Variants in EPHA4 observed in about 807,000 individuals in gnomAD.
EPHA4 encodes the protein EPH receptor A4.
Under a neutral mutation model 108.3 loss-of-function variants are expected in EPHA4, and 19 were observed. That is an observed-to-expected ratio of 0.18 (90% confidence interval 0.12 to 0.26). The LOEUF (loss-of-function observed/expected upper bound fraction) is 0.26. Ranked by LOEUF, EPHA4 falls within the 10% of genes least tolerant of loss-of-function variation. EPHA4 has a pLI of 1.00. For missense variants in EPHA4, 917 were observed against 1,254.0 expected, an observed-to-expected ratio of 0.73 and a Z score of 4.06; for synonymous variants, 449 against 455.5, an observed-to-expected ratio of 0.99 and a Z score of 0.18.
intron 5 of EPHA4, among the ~76,000 whole-genome samples, chr2:221,474,422 T>TA (rs35346087): frequency 0.69 from 99,496 of 143,924 alleles, 34,816 homozygotes; most frequent in East Asian, 0.86. Flanking sequence ...GACTGTTTCT[T>TA]AAAAAAAAAA....
At position 221,558,754 on chromosome 2, in the gene EPHA4, GA is replaced by G. The variant is rs796493087; in HGVS notation, c.823+4976del. On this transcript the variant is annotated intron_variant, in intron 3 of 17. Transcript: ENST00000281821. Reference sequence around the variant, plus strand: ...AAAGGCAGCCTGGTCACACAAAGAGGAAAAAAAAAAGTATATCAGAAAAAGG... The same window carrying G: ...AAAGGCAGCCTGGTCACACAAAGAGGAAAAAAAAAGTATATCAGAAAAAGG... Among the ~76,000 whole-genome samples, 270 of 146,790 alleles carry G rather than the reference GA, an allele frequency of 1.8e-3. 4 individuals carry two copies. Among genetic ancestry groups the G allele is most frequent in the African/African-American group, 5.9e-3 (235 of 40,076 alleles).
chr2:221,560,651 T>C (rs1318833627), intron 3 of EPHA4, among the ~76,000 whole-genome samples: 1 of 152,188 alleles, frequency 6.6e-6, no homozygotes, highest in African/African-American at 2.4e-5. Flanking sequence ...ATCAAGTTGT[T>C]GCATGATCTC....
chr2:221,476,927 CAA>C (rs1003595630), intron 5 of EPHA4, among the ~76,000 whole-genome samples: 7 of 151,970 alleles, frequency 4.6e-5, no homozygotes, highest in African/African-American at 1.2e-4. Context: ...CATTACTTGA[CAA>C]AGAGAGTTAA....
intron 3 of EPHA4, among the ~76,000 whole-genome samples, chr2:221,521,347 T>C (rs1175693768): frequency 2.0e-5 from 3 of 152,206 alleles, no homozygotes; most frequent in African/African-American, 4.8e-5. Flanking sequence ...AAAAGTAGAA[T>C]TGAAACTGGA....
intron 3 of EPHA4, among the ~76,000 whole-genome samples, chr2:221,529,269 G>T (rs1357728629): frequency 6.6e-6 from 1 of 152,182 alleles, no homozygotes; most frequent in African/African-American, 2.4e-5. Flanking sequence ...AAGGGACTTT[G>T]CTGCAGGGGG....
At chr2:221,493,221 C>T (rs1264068635) in intron 4 of EPHA4, among the ~76,000 whole-genome samples, 2 of 152,028 alleles carry the variant, frequency 1.3e-5, no homozygotes, top group Admixed American at 6.6e-5. Context: ...AAGAAATATG[C>T]TTTCGGGTAG....
rs559659675 is a variant in EPHA4, at chr2:221,529,291, C to T, written c.824-28119G>A. On this transcript the variant is annotated intron_variant, in intron 3 of 17. Transcript: ENST00000281821. ...TTTGCTGCAGGGGGCTGATTTTGCC[C>T]CACCTTGAGGAAGGCTGGAGAGGCT... Among the ~76,000 whole-genome samples, 23 of 152,272 alleles carry T rather than the reference C, an allele frequency of 1.5e-4. 1 individual carries two copies. In the South Asian group the frequency reaches 4.6e-3, roughly 30 times the overall value.
chr2:221,545,731 TG>T (rs1693977868), intron 3 of EPHA4, among the ~76,000 whole-genome samples: 1 of 152,060 alleles, frequency 6.6e-6, no homozygotes, highest in African/African-American at 2.4e-5. Context: ...TAAACCCCAA[TG>T]GCCACTGTAT....
rs767090657 is a variant in EPHA4 at position 221,446,187 on chromosome 2, A to G, written c.1716-6T>C. ...CTTTACTGTATTTACTCCGTCTATT[A>G]AAATTTTTTTAAAAAAGAGAATTAT... On this transcript the variant is annotated splice_region_variant and splice_polypyrimidine_tract_variant and intron_variant, in intron 8 of 17. Coordinates refer to ENST00000281821, the MANE Select transcript of EPHA4 (RefSeq NM_004438.5). 52 of 1,497,824 alleles carry G rather than the reference A, an allele frequency of 3.5e-5. No individual in the cohort carries two copies. The highest frequency in any genetic ancestry group is 4.4e-6 in the Non-Finnish European group (5 of 1,123,606). The allele number at this position is 1,497,824 out of a possible 1,614,324, so 92.8% of individuals were successfully genotyped here.
In EPHA4 at chr2:221,420,331, AGT is replaced by A. The variant is rs1157729282; in HGVS notation, c.*1039_*1040del. The A allele has an allele frequency of 6.5e-6, 1 of 152,704 alleles. No homozygotes were observed. Among genetic ancestry groups the A allele is most frequent in the African/African-American group, 2.4e-5 (1 of 41,464 alleles). 9.5% of individuals were successfully genotyped at this position (152,704 alleles called of 1,614,324 possible). ...ACTGGAGAACAGATGCTGAATCTTA[AGT>A]GTTTGCTGTTTCTTTCACTGCGAAA... is the stretch of plus-strand genomic sequence containing the variant. On this transcript the variant is annotated 3_prime_UTR_variant, in exon 18 of 18. Coordinates refer to ENST00000281821, the MANE Select transcript of EPHA4 (RefSeq NM_004438.5).
intron 3 of EPHA4, among the ~76,000 whole-genome samples, chr2:221,508,686 C>T (rs1272541529): frequency 1.3e-5 from 2 of 151,920 alleles, no homozygotes; most frequent in East Asian, 1.9e-4. Flanking sequence ...CCCTGTATTG[C>T]CCCCCAAATT....
At chr2:221,515,630 C>A (rs947711636) in intron 3 of EPHA4, among the ~76,000 whole-genome samples, 1 of 152,082 alleles carries the variant, frequency 6.6e-6, no homozygotes, top group Admixed American at 6.5e-5. Flanking sequence ...GCCTGGGCAA[C>A]ATAGTGAGAC....
At chr2:221,534,459 GT>G (rs372781698) in intron 3 of EPHA4, among the ~76,000 whole-genome samples, 37 of 152,300 alleles carry the variant, frequency 2.4e-4, no homozygotes, top group African/African-American at 8.2e-4. Flanking sequence ...CCTAGAAAAG[GT>G]CTCACCCCCT....
chr2:221,436,360 C>G, intron 13 of EPHA4, 39 bp downstream of exon 13: 1 of 1,593,590 alleles, frequency 6.3e-7, no homozygotes, highest in Non-Finnish European at 8.6e-7. Flanking sequence ...GGAACAGTTT[C>G]ACCAGAGTGA....
At chr2:221,494,895 T>A (rs570622825) in intron 4 of EPHA4, among the ~76,000 whole-genome samples, 30 of 146,146 alleles carry the variant, frequency 2.1e-4, no homozygotes, top group African/African-American at 7.3e-4. Flanking sequence ...AAAAATCACA[T>A]CAAAATCCCT....
At chr2:221,450,464 TC>T (rs1489092156) in intron 8 of EPHA4, among the ~76,000 whole-genome samples, 1 of 152,224 alleles carries the variant, frequency 6.6e-6, no homozygotes, top group East Asian at 1.9e-4. Context: ...AAGCTTTGGT[TC>T]CATAGAACTG....
At chr2:221,456,483 C>T (rs1167733385) in intron 7 of EPHA4, 130 bp downstream of exon 7, 5 of 833,350 alleles carry the variant, frequency 6.0e-6, no homozygotes, top group Non-Finnish European at 9.1e-6. Flanking sequence ...TATTTCAAGA[C>T]ATATTCATTG....
chr2:221,429,907 C>T (rs563009251), intron 15 of EPHA4, 51 bp downstream of exon 15: 2 of 1,592,562 alleles, frequency 1.3e-6, no homozygotes, highest in South Asian at 2.3e-5. Context: ...CACTTGCCTG[C>T]CTCCTCTAAT....
chr2:221,540,519 T>C (rs1693803201), intron 3 of EPHA4, among the ~76,000 whole-genome samples: 1 of 152,178 alleles, frequency 6.6e-6, no homozygotes, highest in African/African-American at 2.4e-5. Flanking sequence ...AAGAGATGAA[T>C]ACACCACAAA....
Sources: allele counts gnomAD v4.1 joint callset (sites outside exome capture counted in the v4.1 genomes callset), GRCh38; gene constraint gnomAD v4.1.1; transcripts MANE v1.5; gene names NCBI Gene and HGNC (gene_info 2026-07-23, HGNC 2026-07-21).